The following INSL4 variants were observed in gnomAD, a reference collection of about 807,000 sequenced individuals.
The protein encoded by INSL4 is early placenta insulin-like peptide.
In INSL4, 7 loss-of-function variants were observed where a neutral mutation model predicts 6.5. The observed-to-expected ratio is 1.08, with a 90% CI of 0.61 to 2.02. The LOEUF (loss-of-function observed/expected upper bound fraction) is 2.02. Ranked by LOEUF, INSL4 falls within the 30% of genes most tolerant of loss-of-function variation. The probability of loss-of-function intolerance (pLI) is 0.00; values close to 1 mark genes in which losing one functional copy is unlikely to be tolerated. For missense variants in INSL4, 226 were observed against 163.2 expected (o/e 1.38, Z -2.09); for synonymous variants, 82 against 65.8 (o/e 1.25, Z -1.19).
At chr9:5,232,504 G>C (rs192372827) in intron 1 of INSL4, among the ~76,000 whole-genome samples, 84 of 152,264 alleles carry the variant, frequency 5.5e-4, no homozygotes, top group Admixed American at 4.1e-3. Flanking sequence ...GACCATCATA[G>C]CTGATTTGAT....
chr9:5,233,577 C>T (rs755380646), intron 1 of INSL4, 77 bp from the exon 2 acceptor site: 10 of 1,131,856 alleles, frequency 8.8e-6, no homozygotes, highest in Non-Finnish European at 1.3e-5. Context: ...GTGGTCTAGG[C>T]AAATTGTATA....
intron 1 of INSL4, among the ~76,000 whole-genome samples, chr9:5,233,087 GA>G (rs1826172277): frequency 6.6e-6 from 1 of 152,068 alleles, no homozygotes; most frequent in Admixed American, 6.6e-5. Flanking sequence ...GTAAATAAGT[GA>G]AAATCCTCAT....
chr9:5,231,764 A>G (rs374615932), intron 1 of INSL4, 45 bp downstream of exon 1: 2 of 1,552,738 alleles, frequency 1.3e-6, no homozygotes, highest in Non-Finnish European at 1.8e-6. Context: ...GGCCTGAAAA[A>G]ACAGGCTCCA....
intron 1 of INSL4, 31 bp from the exon 2 acceptor site, chr9:5,233,623 T>C: frequency 6.4e-7 from 1 of 1,552,146 alleles, no homozygotes; most frequent in South Asian, 1.1e-5. Flanking sequence ...ATGTTTTTCC[T>C]CACCTTTCAT....
At position 5,231,583 on chromosome 9, in the gene INSL4, T is replaced by C. The variant is rs7852875; in HGVS notation, c.60T>C (p.Leu20=). 1 of 1,613,786 alleles carries C rather than the reference T, an allele frequency of 6.2e-7. No individual in the cohort carries two copies. Among genetic ancestry groups the C allele is most frequent in the Non-Finnish European group, 8.5e-7 (1 of 1,179,868 alleles). Residue 20 remains leucine (L), a synonymous_variant, in exon 1 of 2, where the codon CTT becomes CTC. Coordinates refer to ENST00000239316, the MANE Select transcript of INSL4 (RefSeq NM_002195.2). Reference sequence around the variant, plus strand: ...TCTGGCTGCTGCTGAGCCAACTCCTTAGAGAAAGCCTAGCAGCAGAGCTGA... The same window carrying C: ...TCTGGCTGCTGCTGAGCCAACTCCTCAGAGAAAGCCTAGCAGCAGAGCTGA... ...PAIWLLLSQL[L]RESLAAELRG...
intron 1 of INSL4, among the ~76,000 whole-genome samples, chr9:5,233,001 G>C (rs932816301): frequency 1.1e-4 from 17 of 152,106 alleles, no homozygotes; most frequent in Non-Finnish European, 1.8e-4. Flanking sequence ...ATACCACAAA[G>C]TCCAAACAAT....
Position 5,234,146 on chromosome 9 carries a change from A to G in INSL4, c.*269A>G. 2.8e-6 allele frequency: 1 copy of G among 361,644 alleles called. No individual in the cohort carries two copies. The highest frequency in any genetic ancestry group is 5.1e-6 in the Non-Finnish European group (1 of 196,806). The allele number at this position is 361,644 out of a possible 1,614,324, so 22.4% of individuals were successfully genotyped here. ...TCCAAAATAGCTAGAAGAGAATTGT[A>G]ATGATTCCAACACAAAAAAGATGAA... On this transcript the variant is annotated 3_prime_UTR_variant, in exon 2 of 2. Coordinates refer to ENST00000239316, the MANE Select transcript of INSL4 (RefSeq NM_002195.2).
chr9:5,235,086 G>C lies in INSL4; in HGVS notation c.*1209G>C, dbSNP rs1195390087. 6.5e-6 allele frequency: 1 copy of C among 152,676 alleles called. No homozygotes were observed. The highest frequency in any genetic ancestry group is 2.4e-5 in the African/African-American group (1 of 41,446). The allele number at this position is 152,676 out of a possible 1,614,324, so 9.5% of individuals were successfully genotyped here. On this transcript the variant is annotated 3_prime_UTR_variant, in exon 2 of 2. Coordinates refer to ENST00000239316, the MANE Select transcript of INSL4 (RefSeq NM_002195.2). ...CATCTTGAAAGACATCTAAGCAGAA[G>C]AGAGTGCAAAAAGGGACAAGTAGAA...
Position 5,233,989 on chromosome 9 carries a change from T to C in INSL4, c.*112T>C, listed in dbSNP as rs1195866724. 3.4e-5 allele frequency: 25 copies of C among 734,116 alleles called. No homozygotes were observed. The highest frequency in any genetic ancestry group is 2.0e-4 in the Admixed American group (9 of 44,034). 45.5% of individuals were successfully genotyped at this position (734,116 alleles called of 1,614,324 possible). The stretch of plus-strand genomic sequence containing the variant: ...TTTATTAGAACATGAGAATCATTAT[T>C]AGTATTCACATGTTTCACTTGCTCT... On this transcript the variant is annotated 3_prime_UTR_variant, in exon 2 of 2. Transcript: ENST00000239316.
Position 5,233,728 on chromosome 9 carries a change from C to T in INSL4, c.271C>T (p.Pro91Ser), listed in dbSNP as rs1172004061. 6.2e-7 allele frequency: 1 copy of T among 1,613,510 alleles called. No homozygotes were observed. Among genetic ancestry groups the T allele is most frequent in the East Asian group, 2.2e-5 (1 of 44,874 alleles). ...ATCAGAATTCATTCCTAATTTGTCACCAGAGCTGAAGAAACCACTGTCTGA... is the reference window on the plus strand; with the variant it reads ...ATCAGAATTCATTCCTAATTTGTCATCAGAGCTGAAGAAACCACTGTCTGA... ...TTSEFIPNLS[P>S]ELKKPLSEGQ... Residue 91 changes from proline (P) to serine (S), a missense_variant, in exon 2 of 2, where the codon CCA becomes TCA. Transcript: ENST00000239316.
rs143822854 is a variant in INSL4, at chr9:5,231,681, C to T, written c.158C>T (p.Thr53Ile). 1.9e-5 allele frequency: 30 copies of T among 1,613,690 alleles called. No individual in the cohort carries two copies. The highest frequency in any genetic ancestry group is 2.3e-5 in the Non-Finnish European group (27 of 1,179,818). Reference protein sequence around the residue: ...CPMPEKTFTTTPGGWLLESGR... With the variant: ...CPMPEKTFTTIPGGWLLESGR... The stretch of plus-strand genomic sequence containing the variant: ...ATGCCTGAGAAGACATTCACCACCA[C>T]CCCAGGAGGGTGGCTGCTGGAATCT... The change falls in exon 1 of 2, where the codon ACC (threonine) becomes ATC (isoleucine). Residue 53 changes from threonine (T) to isoleucine (I), a missense_variant. By Grantham distance (89) the Thr-to-Ile change is moderately conservative. Transcript: ENST00000239316.
chr9:5,232,177 A>G (rs1206348071), intron 1 of INSL4, among the ~76,000 whole-genome samples: 1 of 152,096 alleles, frequency 6.6e-6, no homozygotes, highest in Non-Finnish European at 1.5e-5. Flanking sequence ...GCTGATTATC[A>G]TTTCTGTTTA....
chr9:5,233,798 G>C lies in INSL4; in HGVS notation c.341G>C (p.Arg114Thr). The C allele has an allele frequency of 6.2e-7, 1 of 1,613,736 alleles. No individual in the cohort carries two copies. The highest frequency in any genetic ancestry group is 8.5e-7 in the Non-Finnish European group (1 of 1,179,738). ...AAAATAATACTTTCCCGCAAAAAGA[G>C]AAGTGGACGTCACAGATTTGATCCA... ...LKKIILSRKKRSGRHRFDPFC... is the reference protein window; with the variant it reads ...LKKIILSRKKTSGRHRFDPFC... The change falls in exon 2 of 2, where the codon AGA becomes ACA. Residue 114 changes from arginine (R) to threonine (T), a missense_variant. Transcript: ENST00000239316.
At chr9:5,232,874 T>C (rs973076182) in intron 1 of INSL4, among the ~76,000 whole-genome samples, 2 of 152,224 alleles carry the variant, frequency 1.3e-5, no homozygotes, top group African/African-American at 2.4e-5. Context: ...TTTAAAGTTA[T>C]CGTGCACAGT....
rs1201666274 is a variant in INSL4 at position 5,234,382 on chromosome 9, T to A, written c.*505T>A. 4 of 156,968 alleles carry A rather than the reference T, an allele frequency of 2.5e-5. No homozygotes were observed. The highest frequency in any genetic ancestry group is 9.6e-5 in the African/African-American group (4 of 41,452). 9.7% of individuals were successfully genotyped at this position (156,968 alleles called of 1,614,324 possible). ...CTCTTCATTTTTCCTCTTTTCACAC[T>A]AGAAGAAATGTAAGAGATAAAGGAT... On this transcript the variant is annotated 3_prime_UTR_variant, in exon 2 of 2. Transcript: ENST00000239316.
chr9:5,233,509 G>C, intron 1 of INSL4, 145 bp from the exon 2 acceptor site: 1 of 638,062 alleles, frequency 1.6e-6, no homozygotes, highest in Non-Finnish European at 2.7e-6. Flanking sequence ...TTGTTGAAAT[G>C]TTAGGATACT....
In INSL4 at chr9:5,231,555, C is replaced by T. The variant is rs1020662172; in HGVS notation, c.32C>T (p.Ala11Val). 29 of 1,613,450 alleles carry T rather than the reference C, an allele frequency of 1.8e-5. No individual in the cohort carries two copies. The highest frequency in any genetic ancestry group is 2.3e-5 in the Non-Finnish European group (27 of 1,179,846). ...AGCCTGTTCCGGTCCTATCTGCCAG[C>T]AATCTGGCTGCTGCTGAGCCAACTC... MASLFRSYLP[A>V]IWLLLSQLLR... Residue 11 changes from alanine (A) to valine (V), a missense_variant, in exon 1 of 2, where the codon GCA (alanine) becomes GTA (valine). Physicochemically the swap from Ala to Val is moderately conservative, Grantham distance 64. Transcript: ENST00000239316.
intron 1 of INSL4, 36 bp downstream of exon 1, chr9:5,231,755 G>T (rs1826149725): frequency 6.3e-7 from 1 of 1,589,468 alleles, no homozygotes; most frequent in South Asian, 1.1e-5. Context: ...TCAGAATGAG[G>T]CCTGAAAAAA....
rs1258801536 is a variant in INSL4, at chr9:5,234,504, C to G, written c.*627C>G. On this transcript the variant is annotated 3_prime_UTR_variant, in exon 2 of 2. Transcript: ENST00000239316. The stretch of plus-strand genomic sequence containing the variant: ...TAGGCATGTTCACCCTAGGGTAAAC[C>G]CAGAGACCTCCCTAGAACTTTGCCC... 6.6e-6 allele frequency: 1 copy of G among 152,612 alleles called. No individual in the cohort carries two copies. Among genetic ancestry groups the G allele is most frequent in the Non-Finnish European group, 1.5e-5 (1 of 68,336 alleles). The allele number at this position is 152,612 out of a possible 1,614,324, so 9.5% of individuals were successfully genotyped here.
Sources: allele counts gnomAD v4.1 joint callset (sites outside exome capture counted in the v4.1 genomes callset), GRCh38; gene constraint gnomAD v4.1.1; transcripts MANE v1.5; gene names NCBI Gene and HGNC (gene_info 2026-07-23, HGNC 2026-07-21).